BCAP31: variants seen among roughly 807,000 people sequenced by gnomAD.
The protein encoded by BCAP31 is B cell receptor associated protein 31.
For missense variants in BCAP31, 124 were observed against 193.0 expected, an observed-to-expected ratio of 0.64 and a Z score of 2.12; for synonymous variants, 75 against 80.9, an observed-to-expected ratio of 0.93 and a Z score of 0.39.
At chrX:153,706,935 G>A (rs1371534421) in intron 4 of BCAP31, among the ~76,000 whole-genome samples, 4 of 111,838 alleles carry the variant, frequency 3.6e-5, no homozygotes, top group East Asian at 2.8e-4. Flanking sequence ...AGGCAAATCC[G>A]ACCATGTCAG....
chrX:153,701,093 T>C lies in BCAP31; in HGVS notation c.703-118A>G, dbSNP rs1440473653. Reference sequence around the variant, plus strand: ...TTCCCCTCTCTCCTAACAACAGCTATTCAAGTGAACAAGGGGCCCCCTCCC... The same window carrying C: ...TTCCCCTCTCTCCTAACAACAGCTACTCAAGTGAACAAGGGGCCCCCTCCC... On this transcript the variant is annotated intron_variant, in intron 7 of 7. Coordinates refer to ENST00000345046, the MANE Select transcript of BCAP31 (RefSeq NM_001256447.2). The C allele has an allele frequency of 8.6e-5, 56 of 649,529 alleles. No homozygotes were observed. The African/African-American group carries it at 1.1e-3, about 12-fold the overall frequency. The allele number at this position is 649,529 out of a possible 1,213,427, so 53.5% of individuals were successfully genotyped here.
intron 1 of BCAP31, chrX:153,723,662 C>T: frequency 3.5e-6 from 4 of 1,157,993 alleles, no homozygotes; most frequent in Admixed American, 5.2e-5. Flanking sequence ...CCTCGGCACC[C>T]ATCGGGCGCT....
At chrX:153,702,634 G>A (rs1223718526) in intron 6 of BCAP31, among the ~76,000 whole-genome samples, 1 of 112,242 alleles carries the variant, frequency 8.9e-6, no homozygotes, top group Non-Finnish European at 1.9e-5. Flanking sequence ...TGGGGCTACC[G>A]TGCCACACTC....
intron 3 of BCAP31, among the ~76,000 whole-genome samples, chrX:153,717,125 A>G (rs571841243): frequency 3.3e-4 from 37 of 112,439 alleles, no homozygotes; most frequent in Admixed American, 1.3e-3. Context: ...TACAAACTTC[A>G]TAAGAGCAGA....
chrX:153,716,141 G>A (rs1207358089), intron 3 of BCAP31, among the ~76,000 whole-genome samples: 12 of 103,975 alleles, frequency 1.2e-4, no homozygotes, highest in South Asian at 4.5e-4. Context: ...ACTCCAGACC[G>A]GGGGACAAGA....
At position 153,724,308 on chromosome X, in the gene BCAP31, CAGCCCGGCGCGCGG is replaced by C. The variant is rs1431249988; in HGVS notation, c.-45+12_-45+25del. 1 of 159,302 alleles carries C rather than the reference CAGCCCGGCGCGCGG, an allele frequency of 6.3e-6. No homozygotes were observed. The highest frequency in any genetic ancestry group is 1.2e-5 in the Non-Finnish European group (1 of 83,703). The allele number at this position is 159,302 out of a possible 1,213,427, so 13.1% of individuals were successfully genotyped here. A position where few individuals can be genotyped will look rare whatever the true frequency, so the allele number is the denominator to read the frequency against. Reference sequence around the variant, plus strand: ...GGGGAGCCTCCGCGGTCCCGGAGCCCAGCCCGGCGCGCGGAGCCCGCTCACCGAGTTTCCCACAG... The same window carrying C: ...GGGGAGCCTCCGCGGTCCCGGAGCCCAGCCCGCTCACCGAGTTTCCCACAG... On this transcript the variant is annotated intron_variant, in intron 1 of 7. Transcript: ENST00000345046.
chrX:153,723,701 C>T, intron 1 of BCAP31: 1 of 1,146,505 alleles, frequency 8.7e-7, no homozygotes, highest in Non-Finnish European at 1.2e-6. Context: ...AACTCAGCCG[C>T]AGAGGCGGGC....
At chrX:153,702,143 GAA>G in intron 6 of BCAP31, 36 bp from the exon 7 acceptor site, 2 of 1,132,203 alleles carry the variant, frequency 1.8e-6, no homozygotes, top group Non-Finnish European at 2.4e-6. Flanking sequence ...AAACAGAAAC[GAA>G]AAGACAGGAA....
At chrX:153,722,154 TAAG>T (rs201276918) in intron 2 of BCAP31, among the ~76,000 whole-genome samples, 4,866 of 111,482 alleles carry the variant, frequency 0.044, 254 homozygotes, top group African/African-American at 0.15. Flanking sequence ...GATGCAGCTC[TAAG>T]AAGAGACTTC....
Position 153,717,152 on chromosome X carries a change from T to G in BCAP31, c.194-1463A>C, listed in dbSNP as rs1438870378. On this transcript the variant is annotated intron_variant, in intron 3 of 7. Transcript: ENST00000345046. ...AAGAGCAGAAATCTTTTATACTATA[T>G]TCCCAGGGCCTGGGATAGCTCTGGG... Among the ~76,000 whole-genome samples the G allele has an allele frequency of 2.7e-5, 3 of 112,470 alleles. No individual in the cohort carries two copies. The Admixed American group carries it at 2.8e-4, about 11-fold the overall frequency.
Position 153,715,656 on chromosome X carries a change from ACAT to A in BCAP31, c.224_226del (p.Asp75del). On this transcript the variant is annotated inframe_deletion, in exon 4 of 8. Coordinates refer to ENST00000345046, the MANE Select transcript of BCAP31 (RefSeq NM_001256447.2). The stretch of plus-strand genomic sequence containing the variant: ...GTTCTGGAGGTTCACCTTTTCCGTC[ACAT>A]CATCATACTTCCGAATTTCGCGCAC... The A allele has an allele frequency of 8.3e-7, 1 of 1,211,659 alleles. No homozygotes were observed. The highest frequency in any genetic ancestry group is 2.3e-4 in the Middle Eastern group (1 of 4,353).
intron 4 of BCAP31, among the ~76,000 whole-genome samples, chrX:153,710,126 C>G (rs1557048924): frequency 8.9e-6 from 1 of 112,070 alleles, no homozygotes; most frequent in Non-Finnish European, 1.9e-5. Flanking sequence ...ACGTGAGGCT[C>G]TCCCATGAGA....
At position 153,715,401 on chromosome X, in the gene BCAP31, C is replaced by A. The variant is rs947718127; in HGVS notation, c.341+141G>T. On this transcript the variant is annotated intron_variant, in intron 4 of 7. Coordinates refer to ENST00000345046, the MANE Select transcript of BCAP31 (RefSeq NM_001256447.2). ...GGAGAAAACTATGTGGCTTCCCTAA[C>A]ACAGACAGGGCTTTGGGATCCAGGC... 2.1e-5 allele frequency: 20 copies of A among 953,694 alleles called. No homozygotes were observed. The Admixed American group carries it at 5.1e-4, about 24-fold the overall frequency. The allele number at this position is 953,694 out of a possible 1,213,427, so 78.6% of individuals were successfully genotyped here. A position where few individuals can be genotyped will look rare whatever the true frequency, so the allele number is the denominator to read the frequency against.
At chrX:153,723,960 G>A (rs1235804381) in intron 1 of BCAP31, 4 of 446,605 alleles carry the variant, frequency 9.0e-6, no homozygotes, top group African/African-American at 2.4e-5. Flanking sequence ...AGCACCTCAA[G>A]GCCCCATACG....
At chrX:153,714,786 G>A (rs138787222) in intron 4 of BCAP31, among the ~76,000 whole-genome samples, 3 of 110,579 alleles carry the variant, frequency 2.7e-5, no homozygotes, top group Non-Finnish European at 5.7e-5. Context: ...TAAGAGGTGG[G>A]GTCTTTTGAG....
At chrX:153,719,356 G>C (rs2091649806) in intron 3 of BCAP31, among the ~76,000 whole-genome samples, 1 of 111,735 alleles carries the variant, frequency 8.9e-6, no homozygotes, top group Admixed American at 9.5e-5. Flanking sequence ...CTGGCTTGGA[G>C]GCTGCTCAGG....
chrX:153,716,578 CAAAAA>C (rs782072647), intron 3 of BCAP31, among the ~76,000 whole-genome samples: 625 of 27,323 alleles, frequency 0.023, 4 homozygotes, highest in African/African-American at 0.049. Context: ...TCTCTCTCAA[CAAAAA>C]AAAAAAAAAA....
At chrX:153,701,020 A>C in intron 7 of BCAP31, 45 bp from the exon 8 acceptor site, 1 of 1,119,741 alleles carries the variant, frequency 8.9e-7, no homozygotes. Flanking sequence ...GGCCGGGTCC[A>C]CTCCTCCCCT....
At chrX:153,715,276 G>A (rs998243418) in intron 4 of BCAP31, 133 of 373,774 alleles carry the variant, frequency 3.6e-4, no homozygotes, top group Non-Finnish European at 9.3e-5. Context: ...CAAACAGACC[G>A]TGAGATAGTC....
Sources: gnomAD v4.1 joint callset for allele counts (sites outside exome capture counted in the v4.1 genomes callset) on GRCh38, gnomAD v4.1.1 for gene constraint, MANE v1.5 for transcripts, NCBI Gene and HGNC (gene_info 2026-07-23, HGNC 2026-07-21) for gene names.